The following CDH4 variants were observed in gnomAD, a reference collection of about 807,000 sequenced individuals.
The protein encoded by CDH4 is cadherin-4.
Under a neutral mutation model 86.0 loss-of-function variants are expected in CDH4, and 33 were observed. That is an observed-to-expected ratio of 0.38 (90% CI 0.29 to 0.51). The LOEUF (loss-of-function observed/expected upper bound fraction) is 0.51. Ranked by LOEUF, CDH4 falls within the 20% of genes least tolerant of loss-of-function variation. The pLI, the probability that CDH4 is intolerant of heterozygous loss-of-function variation, is 0.86. For synonymous variants in CDH4, 555 were observed against 549.4 expected (o/e 1.01, Z -0.14); for missense variants, 1,114 against 1,307.4 (o/e 0.85, Z 2.28).
chr20:61,611,648 C>T (rs1433621835), intron 2 of CDH4, among the ~76,000 whole-genome samples: 1 of 152,132 alleles, frequency 6.6e-6, no homozygotes, highest in Non-Finnish European at 1.5e-5. Flanking sequence ...TCTGCCAACC[C>T]ACTAGCATGA....
chr20:61,326,040 G>A (rs912364919), intron 2 of CDH4, among the ~76,000 whole-genome samples: 10 of 152,186 alleles, frequency 6.6e-5, no homozygotes, highest in African/African-American at 2.4e-4. Flanking sequence ...ATAGTAGTGG[G>A]AGTGGAACTC....
At chr20:61,791,546 G>T (rs1159916142) in intron 4 of CDH4, among the ~76,000 whole-genome samples, 1 of 152,248 alleles carries the variant, frequency 6.6e-6, no homozygotes, top group Non-Finnish European at 1.5e-5. Context: ...CTCAGTCACG[G>T]TTCCTGTCCT....
At chr20:61,877,536 C>T (rs965927298) in intron 7 of CDH4, among the ~76,000 whole-genome samples, 4 of 152,118 alleles carry the variant, frequency 2.6e-5, no homozygotes, top group African/African-American at 9.7e-5. Flanking sequence ...GCTGTGTGTG[C>T]CTGGGGATGT....
chr20:61,724,031 G>A (rs1347452411), intron 2 of CDH4, among the ~76,000 whole-genome samples: 4 of 142,632 alleles, frequency 2.8e-5, no homozygotes, highest in Non-Finnish European at 6.2e-5. Flanking sequence ...ATGTGGCAGG[G>A]GGGTAGGTCC....
chr20:61,769,252 G>A (rs543394100), intron 3 of CDH4, among the ~76,000 whole-genome samples: 1 of 152,286 alleles, frequency 6.6e-6, no homozygotes, highest in African/African-American at 2.4e-5. Flanking sequence ...GGCGTGGTTG[G>A]CGGCCCCACC....
At chr20:61,376,816 C>T (rs754573363) in intron 2 of CDH4, among the ~76,000 whole-genome samples, 10 of 152,198 alleles carry the variant, frequency 6.6e-5, no homozygotes, top group South Asian at 4.1e-4. Flanking sequence ...GGTGAATGGC[C>T]GGTGGCCAAG....
chr20:61,656,489 C>T (rs114609745), intron 2 of CDH4, among the ~76,000 whole-genome samples: 4,713 of 152,104 alleles, frequency 0.031, 134 homozygotes, highest in African/African-American at 0.076. Flanking sequence ...TGGGCAGGTG[C>T]ATGCTGGGAA....
chr20:61,495,415 T>G (rs1172089906), intron 2 of CDH4, among the ~76,000 whole-genome samples: 2 of 151,940 alleles, frequency 1.3e-5, no homozygotes, highest in East Asian at 3.9e-4. Flanking sequence ...AGCCCCCCGC[T>G]TATCCTGAGA....
intron 6 of CDH4, among the ~76,000 whole-genome samples, chr20:61,869,681 G>T (rs528986229): frequency 6.6e-6 from 1 of 152,114 alleles, no homozygotes; most frequent in Non-Finnish European, 1.5e-5. Context: ...ATCCTGGCCC[G>T]CCTTTTCCCC....
intron 4 of CDH4, among the ~76,000 whole-genome samples, chr20:61,794,778 C>T (rs1417648863): frequency 2.0e-5 from 3 of 152,180 alleles, no homozygotes; most frequent in African/African-American, 7.2e-5. Context: ...TCACACAGTC[C>T]CGCAAGTGGG....
At chr20:61,655,286 G>T (rs2087175117) in intron 2 of CDH4, among the ~76,000 whole-genome samples, 2 of 152,170 alleles carry the variant, frequency 1.3e-5, no homozygotes, top group African/African-American at 4.8e-5. Flanking sequence ...CTTTAAAGTT[G>T]TATGTGCCCT....
chr20:61,376,745 C>T (rs2084874991), intron 2 of CDH4, among the ~76,000 whole-genome samples: 1 of 152,194 alleles, frequency 6.6e-6, no homozygotes, highest in African/African-American at 2.4e-5. Context: ...CCCAGGCAAG[C>T]CCTGGAAGGT....
intron 7 of CDH4, among the ~76,000 whole-genome samples, chr20:61,881,764 T>A (rs537470126): frequency 6.6e-6 from 1 of 152,346 alleles, no homozygotes; most frequent in South Asian, 2.1e-4. Flanking sequence ...GCCACAGACC[T>A]GGCCCAATCA....
chr20:61,843,343 A>G (rs60963642), intron 4 of CDH4, among the ~76,000 whole-genome samples: 70,750 of 149,094 alleles, frequency 0.47, 17,960 homozygotes, highest in Non-Finnish European at 0.58. Context: ...CCAGCTACTC[A>G]GGAGGCTGAG....
At chr20:61,566,293 T>G (rs2086297503) in intron 2 of CDH4, among the ~76,000 whole-genome samples, 1 of 152,228 alleles carries the variant, frequency 6.6e-6, no homozygotes, top group South Asian at 2.1e-4. Flanking sequence ...GTTTCTCGCC[T>G]TTCCGTTGCT....
chr20:61,405,636 T>A (rs1308217371), intron 2 of CDH4, among the ~76,000 whole-genome samples: 2 of 152,160 alleles, frequency 1.3e-5, no homozygotes, highest in Non-Finnish European at 2.9e-5. Flanking sequence ...AGGTCTTTTT[T>A]ATAGTAAATA....
intron 2 of CDH4, among the ~76,000 whole-genome samples, chr20:61,354,461 A>G (rs1470648529): frequency 1.3e-5 from 2 of 152,138 alleles, no homozygotes; most frequent in African/African-American, 2.4e-5. Flanking sequence ...ATGCACATTG[A>G]CAGCTTAGCA....
At chr20:61,565,085 G>GGTGGTGGTT (rs1453713343) in intron 2 of CDH4, among the ~76,000 whole-genome samples, 1 of 126,740 alleles carries the variant, frequency 7.9e-6, no homozygotes, top group African/African-American at 3.0e-5. Context: ...TGGTGGTGGT[G>GGTGGTGGTT]GTGCTCTTGG....
chr20:61,465,392 C>G (rs1241772560), intron 2 of CDH4, among the ~76,000 whole-genome samples: 1 of 151,888 alleles, frequency 6.6e-6, no homozygotes, highest in African/African-American at 2.4e-5. Context: ...TCCAATTCTC[C>G]TCTCTTTTCA....
Sources: allele counts gnomAD v4.1 joint callset (sites outside exome capture counted in the v4.1 genomes callset), GRCh38; gene constraint gnomAD v4.1.1; transcripts MANE v1.5; gene names NCBI Gene and HGNC (gene_info 2026-07-23, HGNC 2026-07-21).